Variants in NAV3 observed in about 807,000 individuals in gnomAD.
The protein encoded by NAV3 is neuron navigator 3, also known as pore membrane and/or filament interacting like protein 1.
NAV3 carries 87 observed loss-of-function variants against 244.7 expected under a neutral mutation model. The ratio of observed to expected loss-of-function variants is 0.36; its 90% CI spans 0.30 to 0.42. NAV3 has a LOEUF of 0.42. Ranked by LOEUF, NAV3 falls within the 20% of genes least tolerant of loss-of-function variation. NAV3 has a pLI of 1.00. For synonymous variants in NAV3, 1,126 were observed against 1,042.2 expected, an observed-to-expected ratio of 1.08 and a Z score of -1.55; for missense variants, 2,663 against 2,893.3, an observed-to-expected ratio of 0.92 and a Z score of 1.83.
intron 30 of NAV3, among the ~76,000 whole-genome samples, chr12:78,181,372 A>T (rs300521): frequency 0.92 from 140,540 of 152,064 alleles, 65,455 homozygotes; most frequent in East Asian, 1. Flanking sequence ...AATAACCCCA[A>T]TGACTTTTAT....
chr12:78,146,988 C>T (rs1356347632), intron 21 of NAV3, among the ~76,000 whole-genome samples: 1 of 151,996 alleles, frequency 6.6e-6, no homozygotes. Context: ...TCAAAGAGAG[C>T]AGGAGGACTT....
Position 77,720,245 on chromosome 12 carries a change from T to C in NAV3, c.72+147979T>C, listed in dbSNP as rs139041294. On this transcript the variant is annotated intron_variant, in intron 2 of 8. Transcript: ENST00000550042. ...TGAGTTATGTTTTCCTGTTTCTTTA[T>C]GTGCCTTGTAACTTTCTATTACGAT... 2.9e-4 allele frequency among the ~76,000 whole-genome samples: 44 copies of C among 149,838 alleles called. 1 individual carries two copies. In the East Asian group the frequency reaches 7.3e-3, roughly 25 times the overall value.
chr12:77,782,297 T>C lies in NAV3; in HGVS notation c.73-158022T>C, dbSNP rs561341868. ...CCCTTCCCGTCCCCTCCCCTCCCCT[T>C]CCCTTCCTTTCCCTTTCCTTCCTTC... On this transcript the variant is annotated intron_variant, in intron 2 of 8. Transcript: ENST00000550042. Among the ~76,000 whole-genome samples, 189 of 128,642 alleles carry C rather than the reference T, an allele frequency of 1.5e-3. 1 individual carries two copies. The highest frequency in any genetic ancestry group is 5.4e-3 in the African/African-American group (181 of 33,746). 84.4% of individuals were successfully genotyped at this position (128,642 alleles called of 152,430 possible).
In NAV3 at chr12:78,118,207, T is replaced by C. The variant is rs778996092; in HGVS notation, c.2950T>C (p.Ser984Pro). ...KAGQKASLSV[S>P]QTGSWRRGMS... ...AGGGCAGAAAGCTTCCCTGTCTGTT[T>C]CACAGACAGGTTCCTGGAGAAGAGG... Residue 984 changes from serine (S) to proline (P), a missense_variant, in exon 14 of 40, where the codon TCA becomes CCA. Coordinates refer to ENST00000397909, the MANE Select transcript of NAV3 (RefSeq NM_001024383.2). The C allele has an allele frequency of 1.2e-6, 2 of 1,613,230 alleles. No homozygotes were observed. Among genetic ancestry groups the C allele is most frequent in the Non-Finnish European group, 1.7e-6 (2 of 1,179,824 alleles).
intron 30 of NAV3, among the ~76,000 whole-genome samples, chr12:78,182,038 T>A (rs774845303): frequency 5.3e-5 from 8 of 151,974 alleles, no homozygotes; most frequent in Non-Finnish European, 1.2e-4. Flanking sequence ...GAAAACAACT[T>A]TTGTAAACTT....
chr12:77,849,708 G>A (rs926973573), intron 1 of NAV3, among the ~76,000 whole-genome samples: 1 of 152,072 alleles, frequency 6.6e-6, no homozygotes, highest in Non-Finnish European at 1.5e-5. Flanking sequence ...AGCACTTCTG[G>A]TCCCAAGAAT....
intron 3 of NAV3, among the ~76,000 whole-genome samples, chr12:77,945,121 G>GAA (rs35006584): frequency 0.022 from 3,129 of 145,224 alleles, 54 homozygotes; most frequent in Non-Finnish European, 0.034. Context: ...CACTGTTAGA[G>GAA]AAAAAAAAAA....
At chr12:78,000,841 G>A (rs1010802789) in intron 7 of NAV3, among the ~76,000 whole-genome samples, 4 of 151,016 alleles carry the variant, frequency 2.6e-5, no homozygotes, top group African/African-American at 9.7e-5. Flanking sequence ...AGCCTGGCAT[G>A]GTGGCGGGCG....
Position 77,679,274 on chromosome 12 carries a change from G to A in NAV3, c.72+107008G>A, listed in dbSNP as rs933305082. On this transcript the variant is annotated intron_variant, in intron 2 of 8. Coordinates refer to the NAV3 transcript ENST00000550042. ...TCTACTAGGGCACTAACAGGTTATC[G>A]GGGAAACAACACGAAGGATAGGAAG... is the stretch of plus-strand genomic sequence containing the variant. Among the ~76,000 whole-genome samples the A allele has an allele frequency of 2.1e-4, 32 of 151,882 alleles. 1 individual carries two copies. Among genetic ancestry groups the A allele is most frequent in the East Asian group, 3.8e-4 (2 of 5,200 alleles).
At chr12:78,103,348 G>T (rs373198943) in intron 12 of NAV3, among the ~76,000 whole-genome samples, 68 of 152,154 alleles carry the variant, frequency 4.5e-4, no homozygotes, top group African/African-American at 1.6e-3. Context: ...CTCCATCCGA[G>T]ACAACCTCAG....
At chr12:77,873,261 A>G (rs1460623626) in intron 1 of NAV3, among the ~76,000 whole-genome samples, 1 of 152,198 alleles carries the variant, frequency 6.6e-6, no homozygotes, top group African/African-American at 2.4e-5. Context: ...ATGAAAATGG[A>G]TTAATACAAT....
At chr12:77,812,195 T>C (rs1013153169) in intron 2 of NAV3, among the ~76,000 whole-genome samples, 2 of 152,322 alleles carry the variant, frequency 1.3e-5, no homozygotes, top group African/African-American at 4.8e-5. Flanking sequence ...CTTTAGCTTC[T>C]ATTCCTTCAA....
In NAV3 at chr12:78,159,209, C is replaced by G. The variant is rs1237633958; in HGVS notation, c.4792C>G (p.Leu1598Val). ...LTSQLSANAH[L>V]VAAFEKSLGN... Reference sequence around the variant, plus strand: ...TCTTCCATTCTGTTCACAGGCTCACCTTGTAGCAGCTTTTGAAAAGAGCTT... The same window carrying G: ...TCTTCCATTCTGTTCACAGGCTCACGTTGTAGCAGCTTTTGAAAAGAGCTT... The change falls in exon 23 of 40, where the codon CTT becomes GTT. Residue 1598 changes from leucine (L) to valine (V), a missense_variant. Transcript: ENST00000397909. 6.2e-7 allele frequency: 1 copy of G among 1,612,958 alleles called. No homozygotes were observed.
chr12:77,992,144 A>G (rs1415052156), intron 5 of NAV3, among the ~76,000 whole-genome samples: 1 of 152,222 alleles, frequency 6.6e-6, no homozygotes, highest in Non-Finnish European at 1.5e-5. Flanking sequence ...TCCTTCACCT[A>G]TAATTTCACT....
chr12:78,192,474 C>T (rs1959027372), intron 34 of NAV3, among the ~76,000 whole-genome samples: 2 of 151,364 alleles, frequency 1.3e-5, no homozygotes, highest in South Asian at 4.2e-4. Context: ...GGCACGATCT[C>T]GGCTCACTGC....
intron 33 of NAV3, 31 bp from the exon 34 acceptor site, chr12:78,189,953 A>T: frequency 6.6e-7 from 1 of 1,507,862 alleles, no homozygotes; most frequent in Non-Finnish European, 9.2e-7. Flanking sequence ...TAGAACAATA[A>T]ATCATGCTAT....
chr12:78,136,812 T>C (rs1565705303), intron 18 of NAV3, among the ~76,000 whole-genome samples: 1 of 152,192 alleles, frequency 6.6e-6, no homozygotes. Flanking sequence ...CTTTTTCCAT[T>C]AAAGTGATTA....
In NAV3 at chr12:77,831,307, C is replaced by T. The variant is rs1482247839; in HGVS notation, c.-155C>T. 5.7e-6 allele frequency: 4 copies of T among 706,298 alleles called. No individual in the cohort carries two copies. Among genetic ancestry groups the T allele is most frequent in the African/African-American group, 5.6e-5 (3 of 53,864 alleles). The allele number at this position is 706,298 out of a possible 1,614,324, so 43.8% of individuals were successfully genotyped here. ...TAACTAAAGATGCAGGGAAGTTTTG[C>T]CTCTTCCTGAAAATTATATTATTAG... On this transcript the variant is annotated 5_prime_UTR_variant, in exon 1 of 40. Transcript: ENST00000397909.
chr12:77,921,026 A>T (rs1259510937), intron 1 of NAV3, among the ~76,000 whole-genome samples: 1 of 152,086 alleles, frequency 6.6e-6, no homozygotes, highest in Non-Finnish European at 1.5e-5. Flanking sequence ...TCATCATAAG[A>T]AAACGAAAAG....
Sources: allele counts gnomAD v4.1 joint callset (sites outside exome capture counted in the v4.1 genomes callset), GRCh38; gene constraint gnomAD v4.1.1; transcripts MANE v1.5; gene names NCBI Gene and HGNC (gene_info 2026-07-23, HGNC 2026-07-21).